WWTR1: variants seen among roughly 807,000 people sequenced by gnomAD.
WWTR1 encodes WW domain-containing transcription regulator protein 1.
In WWTR1, 13 loss-of-function variants were observed where a neutral mutation model predicts 40.1. The ratio of observed to expected loss-of-function variants is 0.32; its 90% CI spans 0.21 to 0.52. The LOEUF is 0.52. Among genes scored for constraint, WWTR1 ranks in the 20% least tolerant of loss-of-function variants. The probability of loss-of-function intolerance (pLI) is 0.97; values close to 1 mark genes in which losing one functional copy is unlikely to be tolerated. For missense variants in WWTR1, 436 were observed against 523.1 expected, an observed-to-expected ratio of 0.83 and a Z score of 1.63; for synonymous variants, 230 against 210.1, an observed-to-expected ratio of 1.09 and a Z score of -0.82.
chr3:149,562,156 A>C (rs964951752), intron 3 of WWTR1, among the ~76,000 whole-genome samples: 1 of 152,036 alleles, frequency 6.6e-6, no homozygotes, highest in Admixed American at 6.6e-5. Context: ...TTAGCCGGGC[A>C]TGGTGGCGTG....
At chr3:149,523,251 C>CTT (rs151209565) in intron 6 of WWTR1, among the ~76,000 whole-genome samples, 1 of 143,936 alleles carries the variant, frequency 6.9e-6, no homozygotes, top group Non-Finnish European at 1.5e-5. Flanking sequence ...CAAGGCAATT[C>CTT]TTTTTTTTTT....
chr3:149,634,482 T>C (rs923358620), intron 2 of WWTR1, among the ~76,000 whole-genome samples: 7 of 152,172 alleles, frequency 4.6e-5, no homozygotes, highest in African/African-American at 1.4e-4. Context: ...TTTTCACTCA[T>C]TTTTTCCCGT....
In WWTR1 at chr3:149,518,167, C is replaced by T. The variant is rs1253374151; in HGVS notation, c.*2638G>A. The T allele has an allele frequency of 2.6e-5, 4 of 151,964 alleles. No individual in the cohort carries two copies. The highest frequency in any genetic ancestry group is 9.7e-5 in the African/African-American group (4 of 41,410). 9.4% of individuals were successfully genotyped at this position (151,964 alleles called of 1,614,324 possible). ...ATATCTGGCTTTATCTATTAGTAAACACAAAGGGTCCATATTTTATTCTGA... is the reference window on the plus strand; with the variant it reads ...ATATCTGGCTTTATCTATTAGTAAATACAAAGGGTCCATATTTTATTCTGA... On this transcript the variant is annotated 3_prime_UTR_variant, in exon 7 of 7. Transcript: ENST00000360632.
In WWTR1 at chr3:149,643,913, C is replaced by T. The variant is rs117876888; in HGVS notation, c.431+12963G>A. 1.2e-3 allele frequency among the ~76,000 whole-genome samples: 190 copies of T among 152,260 alleles called. 2 individuals carry two copies. In the East Asian group the frequency reaches 0.022, roughly 18 times the overall value. The stretch of plus-strand genomic sequence containing the variant: ...ATTTCCTCCTACCTCTCTTTCTCTT[C>T]TCTCTCCATCTCTTTACAGGGTCCA... On this transcript the variant is annotated intron_variant, in intron 2 of 6. Transcript: ENST00000360632.
intron 1 of WWTR1, among the ~76,000 whole-genome samples, chr3:149,694,319 G>C (rs1045149182): frequency 6.6e-6 from 1 of 152,160 alleles, no homozygotes; most frequent in Non-Finnish European, 1.5e-5. Flanking sequence ...GCTTGAACCC[G>C]GGAGGCAGAG....
chr3:149,657,163 C>A lies in WWTR1; in HGVS notation c.144G>T (p.Leu48=), dbSNP rs1416428966. The change falls in exon 2 of 7, where the codon CTG becomes CTT. Residue 48 remains leucine, a synonymous_variant. Coordinates refer to ENST00000360632, the MANE Select transcript of WWTR1 (RefSeq NM_015472.6). ...PKPSSWRKKI[L]PESFFKEPDS... Reference sequence around the variant, plus strand: ...CAGGCTCCTTAAAGAAAGACTCCGGCAGGATCTTCTTCCGCCACGAGCTAG... The same window carrying A: ...CAGGCTCCTTAAAGAAAGACTCCGGAAGGATCTTCTTCCGCCACGAGCTAG... 6.2e-7 allele frequency: 1 copy of A among 1,607,484 alleles called. No homozygotes were observed. The highest frequency in any genetic ancestry group is 8.5e-7 in the Non-Finnish European group (1 of 1,177,570).
intron 1 of WWTR1, among the ~76,000 whole-genome samples, chr3:149,700,961 C>T (rs112499793): frequency 1.1e-4 from 16 of 152,336 alleles, no homozygotes; most frequent in East Asian, 7.7e-4. Context: ...AGTCTTTCTA[C>T]GGAGCAGTGA....
At chr3:149,696,549 T>C (rs995916822) in intron 1 of WWTR1, among the ~76,000 whole-genome samples, 12 of 152,200 alleles carry the variant, frequency 7.9e-5, no homozygotes, top group Non-Finnish European at 1.5e-5. Flanking sequence ...CACAAACAAT[T>C]CAATGTCCAA....
At chr3:149,566,865 A>G (rs934180769) in intron 3 of WWTR1, among the ~76,000 whole-genome samples, 3 of 151,974 alleles carry the variant, frequency 2.0e-5, no homozygotes, top group Admixed American at 6.6e-5. Context: ...AGCTCGAGAC[A>G]CAGACCTGGA....
chr3:149,696,081 C>A (rs1387889315), intron 1 of WWTR1, among the ~76,000 whole-genome samples: 1 of 134,206 alleles, frequency 7.5e-6, no homozygotes, highest in African/African-American at 3.0e-5. Flanking sequence ...CCACTGCACT[C>A]CAGCCTGGGC....
intron 5 of WWTR1, among the ~76,000 whole-genome samples, chr3:149,709,391 AC>A (rs1346998455): frequency 1.3e-5 from 2 of 151,482 alleles, no homozygotes; most frequent in East Asian, 3.9e-4. Flanking sequence ...CTTTTTATAT[AC>A]TTTGTTGGCT....
intron 1 of WWTR1, among the ~76,000 whole-genome samples, chr3:149,687,028 G>A (rs1002185386): frequency 1.3e-5 from 2 of 152,156 alleles, no homozygotes; most frequent in African/African-American, 4.8e-5. Flanking sequence ...GCCACAGACT[G>A]CAGGAACTGA....
At chr3:149,557,652 T>C (rs991467974) in intron 3 of WWTR1, among the ~76,000 whole-genome samples, 1 of 152,168 alleles carries the variant, frequency 6.6e-6, no homozygotes, top group East Asian at 1.9e-4. Flanking sequence ...TGGCTTTTTT[T>C]CTCAGCCACA....
At chr3:149,659,508 T>C (rs1397027197), upstream of WWTR1, 1 of 151,926 alleles carries the variant, frequency 6.6e-6, no homozygotes, top group Non-Finnish European at 1.5e-5. Flanking sequence ...ATTTTTGTAT[T>C]TTTTAAAAGC....
intron 2 of WWTR1, among the ~76,000 whole-genome samples, chr3:149,614,205 C>T (rs777829522): frequency 1.3e-5 from 2 of 152,208 alleles, no homozygotes; most frequent in African/African-American, 2.4e-5. Flanking sequence ...GTACATTCAA[C>T]AGTGGGCCCA....
chr3:149,562,430 A>G (rs11708969), intron 3 of WWTR1, among the ~76,000 whole-genome samples: 18,026 of 152,236 alleles, frequency 0.12, 1,365 homozygotes, highest in Middle Eastern at 0.19. Context: ...ATGAAAACAC[A>G]CTAGTGTCAT....
intron 2 of WWTR1, among the ~76,000 whole-genome samples, chr3:149,642,348 AG>A (rs1712217839): frequency 6.6e-6 from 1 of 151,912 alleles, no homozygotes; most frequent in African/African-American, 2.4e-5. Context: ...TGAACCCAGG[AG>A]GCAGAGGTTG....
chr3:149,620,701 C>T (rs1320319214), intron 2 of WWTR1, among the ~76,000 whole-genome samples: 1 of 152,122 alleles, frequency 6.6e-6, no homozygotes, highest in Non-Finnish European at 1.5e-5. Flanking sequence ...TATCTAGGTC[C>T]TATTTATCTA....
At chr3:149,557,831 C>T (rs1449857723) in intron 3 of WWTR1, among the ~76,000 whole-genome samples, 4 of 151,700 alleles carry the variant, frequency 2.6e-5, no homozygotes, top group African/African-American at 9.7e-5. Context: ...GGTGAAACCC[C>T]ATCTCTACTA....
Sources: allele counts gnomAD v4.1 joint callset (sites outside exome capture counted in the v4.1 genomes callset), GRCh38; gene constraint gnomAD v4.1.1; transcripts MANE v1.5; gene names NCBI Gene and HGNC (gene_info 2026-07-23, HGNC 2026-07-21).